The following TICAM2 variants were observed in gnomAD, a reference collection of about 807,000 sequenced individuals.
TICAM2 encodes TIR domain containing adaptor molecule 2.
A neutral mutation model predicts 7.3 loss-of-function variants in TICAM2; 8 were observed. The ratio of observed to expected loss-of-function variants is 1.10; its 90% confidence interval spans 0.65 to 1.99. The LOEUF (loss-of-function observed/expected upper bound fraction) is 1.99, where lower values mean the gene tolerates loss of function less well. TICAM2 is among the 30% of genes most tolerant of loss of function. TICAM2 has a pLI of 0.00. For missense variants in TICAM2, 304 were observed against 278.8 expected (o/e 1.09, Z -0.65); for synonymous variants, 113 against 99.6 (o/e 1.13, Z -0.80).
At chr5:115,597,510 T>C (rs775919691) in intron 1 of TICAM2, among the ~76,000 whole-genome samples, 6 of 152,206 alleles carry the variant, frequency 3.9e-5, no homozygotes, top group Non-Finnish European at 7.3e-5. Context: ...TGTTTATGAA[T>C]GTTATGAACA....
rs1299959459 is a variant in TICAM2, at chr5:115,578,578, T to A, written c.*1971A>T. 4 of 152,148 alleles carry A rather than the reference T, an allele frequency of 2.6e-5. No homozygotes were observed. Among genetic ancestry groups the A allele is most frequent in the African/African-American group, 9.7e-5 (4 of 41,414 alleles). 9.4% of individuals were successfully genotyped at this position (152,148 alleles called of 1,614,324 possible). ...TGTCTGGTGCTCTATGAAGTACAAA[T>A]CGATGCTTCATTTCAAAACACTCTT... On this transcript the variant is annotated 3_prime_UTR_variant, in exon 2 of 2. Transcript: ENST00000427199.
At chr5:115,597,846 T>C (rs543190058) in intron 1 of TICAM2, among the ~76,000 whole-genome samples, 1 of 152,196 alleles carries the variant, frequency 6.6e-6, no homozygotes, top group Non-Finnish European at 1.5e-5. Context: ...TTTTGATCCA[T>C]GTTTTGTTGG....
At chr5:115,583,039 C>CA (rs1439005764) in intron 1 of TICAM2, among the ~76,000 whole-genome samples, 2 of 152,272 alleles carry the variant, frequency 1.3e-5, no homozygotes, top group Non-Finnish European at 2.9e-5. Context: ...TATTCTAAGG[C>CA]ATAATAACTC....
chr5:115,591,507 T>C (rs1301841398), intron 1 of TICAM2, among the ~76,000 whole-genome samples: 1 of 152,194 alleles, frequency 6.6e-6, no homozygotes, highest in Non-Finnish European at 1.5e-5. Context: ...TTCAAACTTT[T>C]ATTAATAACT....
At chr5:115,586,925 C>G (rs944859467) in intron 1 of TICAM2, among the ~76,000 whole-genome samples, 4 of 152,152 alleles carry the variant, frequency 2.6e-5, no homozygotes, top group African/African-American at 9.7e-5. Context: ...GCCATGAAAG[C>G]ACTCAGGAGG....
intron 1 of TICAM2, among the ~76,000 whole-genome samples, chr5:115,598,586 C>T (rs1755598764): frequency 6.6e-6 from 1 of 152,206 alleles, no homozygotes; most frequent in South Asian, 2.1e-4. Flanking sequence ...GGCCAACAGA[C>T]AGAAGCTTAT....
chr5:115,596,538 G>A (rs1469403427), intron 1 of TICAM2, among the ~76,000 whole-genome samples: 6 of 152,104 alleles, frequency 3.9e-5, no homozygotes, highest in African/African-American at 7.2e-5. Context: ...TTAAAAAACC[G>A]GACAATCAGA....
At chr5:115,600,470 G>A (rs1755683312) in intron 1 of TICAM2, among the ~76,000 whole-genome samples, 1 of 152,116 alleles carries the variant, frequency 6.6e-6, no homozygotes, top group Non-Finnish European at 1.5e-5. Context: ...GCCAAGAAAT[G>A]AACTCTGTGG....
chr5:115,595,956 C>T (rs1273247334), intron 1 of TICAM2, among the ~76,000 whole-genome samples: 1 of 152,164 alleles, frequency 6.6e-6, no homozygotes, highest in Non-Finnish European at 1.5e-5. Flanking sequence ...ATATGTATTG[C>T]CCAGCACTCT....
rs115509386 is a variant in TICAM2, at chr5:115,584,423, G to C, written c.-59-3108C>G. Among the ~76,000 whole-genome samples, 1,184 of 152,224 alleles carry C rather than the reference G, an allele frequency of 7.8e-3. 27 individuals carry two copies. The highest frequency in any genetic ancestry group is 0.027 in the African/African-American group (1,122 of 41,532). ...TGTGGCTATCCCATAATCATTCCCT[G>C]TTCTTGGATATGTGAGTTGTTTCCA... On this transcript the variant is annotated intron_variant, in intron 1 of 1. Transcript: ENST00000427199.
intron 1 of TICAM2, among the ~76,000 whole-genome samples, chr5:115,585,232 T>A (rs1405026223): frequency 1.3e-5 from 2 of 152,192 alleles, no homozygotes; most frequent in Non-Finnish European, 2.9e-5. Context: ...CAATAAACAT[T>A]AGCAGCTATT....
At chr5:115,585,670 A>G (rs1239154919) in intron 1 of TICAM2, among the ~76,000 whole-genome samples, 1 of 152,222 alleles carries the variant, frequency 6.6e-6, no homozygotes, top group Non-Finnish European at 1.5e-5. Flanking sequence ...TATAAGGAAA[A>G]TATAGAAACC....
chr5:115,593,660 G>C (rs1755397458), intron 1 of TICAM2, among the ~76,000 whole-genome samples: 1 of 151,936 alleles, frequency 6.6e-6, no homozygotes, highest in South Asian at 2.1e-4. Context: ...TTTTTGGTTG[G>C]GTTTTACCGG....
rs113049216 is a variant in TICAM2 at position 115,581,066 on chromosome 5, C to T, written c.191G>A (p.Ser64Asn). The change falls in exon 2 of 2, where the codon AGC becomes AAC. Residue 64 changes from serine (S) to asparagine (N), a missense_variant. Ser to Asn is a conservative substitution (Grantham distance 46). Transcript: ENST00000427199. ...TTCTTCTTCAAACATCTCTTCCACG[C>T]TCTGAGCTCCCTCCTGCTTTCCTGT... ...GPTGKQEGAQ[S>N]VEEMFEEEAE... 3,088 of 1,614,192 alleles carry T rather than the reference C, an allele frequency of 1.9e-3. 51 individuals are homozygous for T. The African/African-American group carries it at 0.035, about 18-fold the overall frequency.
Position 115,580,836 on chromosome 5 carries a change from C to T in TICAM2, c.421G>A (p.Glu141Lys). Residue 141 changes from glutamate (E) to lysine (K), a missense_variant, in exon 2 of 2, where the codon GAA (glutamate) becomes AAA (lysine). Physicochemically the swap from Glu to Lys is moderately conservative, Grantham distance 56 (BLOSUM62 1). Coordinates refer to ENST00000427199, the MANE Select transcript of TICAM2 (RefSeq NM_021649.7). ...CACCAAGTATCTCTTAAAAAGTTTT[C>T]AGTCAGTAATAAGATTGTCCATGCA... ...GSAWTILLLT[E>K]NFLRDTWCNF... The T allele has an allele frequency of 6.2e-7, 1 of 1,606,208 alleles. No homozygotes were observed. The highest frequency in any genetic ancestry group is 8.5e-7 in the Non-Finnish European group (1 of 1,175,622).
intron 1 of TICAM2, among the ~76,000 whole-genome samples, chr5:115,597,522 T>C (rs1468074805): frequency 6.6e-6 from 1 of 152,208 alleles, no homozygotes. Context: ...TTATGAACAA[T>C]TTTAATGACA....
At chr5:115,600,727 G>A (rs1755694798) in intron 1 of TICAM2, among the ~76,000 whole-genome samples, 1 of 152,098 alleles carries the variant, frequency 6.6e-6, no homozygotes, top group Non-Finnish European at 1.5e-5. Context: ...GGGGGTAATG[G>A]GGACAAAAAG....
intron 1 of TICAM2, among the ~76,000 whole-genome samples, chr5:115,599,734 A>G (rs968630781): frequency 2.0e-5 from 3 of 152,244 alleles, no homozygotes; most frequent in Non-Finnish European, 2.9e-5. Flanking sequence ...CAACAGCAGC[A>G]CAATCAGTGT....
At chr5:115,590,420 A>G (rs1448821519) in intron 1 of TICAM2, among the ~76,000 whole-genome samples, 2 of 152,242 alleles carry the variant, frequency 1.3e-5, no homozygotes, top group African/African-American at 4.8e-5. Context: ...CTATGAAGAA[A>G]TGAAATATGA....
Sources: gnomAD v4.1 joint callset for allele counts (sites outside exome capture counted in the v4.1 genomes callset) on GRCh38, gnomAD v4.1.1 for gene constraint, MANE v1.5 for transcripts, NCBI Gene and HGNC (gene_info 2026-07-23, HGNC 2026-07-21) for gene names.